Variants in INTS1 observed in about 807,000 individuals in gnomAD.
INTS1 encodes integrator complex subunit 1.
Under a neutral mutation model 241.6 loss-of-function variants are expected in INTS1, and 137 were observed. That is an observed-to-expected ratio of 0.57 (90% CI 0.49 to 0.65). INTS1 has a LOEUF of 0.65. Among genes scored for constraint, INTS1 ranks in the 30% least tolerant of loss-of-function variants. INTS1 has a pLI of 0.00. For synonymous variants in INTS1, 1,692 were observed against 1,337.8 expected, an observed-to-expected ratio of 1.26 and a Z score of -5.78; for missense variants, 3,073 against 3,032.2, an observed-to-expected ratio of 1.01 and a Z score of -0.32.
Position 1,500,257 on chromosome 7 carries a change from G to A in INTS1, c.459C>T (p.Arg153=), listed in dbSNP as rs199826626. The change falls in exon 4 of 48, where the codon CGC becomes CGT. Residue 153 remains arginine (R), a synonymous_variant. Coordinates refer to ENST00000404767, the MANE Select transcript of INTS1 (RefSeq NM_001080453.3). ...GGTAGAGGGTGCTGTCAGGCTTGGC[G>A]CGGGTGACCTTCAGCTGCTTCACGG... ...CGAVKQLKVT[R]AKPDSTLYLS... is the part of the protein sequence containing the mutation. 54 of 1,603,956 alleles carry A rather than the reference G, an allele frequency of 3.4e-5. No individual in the cohort carries two copies. The highest frequency in any genetic ancestry group is 1.3e-4 in the South Asian group (12 of 89,408).
At chr7:1,492,883 A>C (rs1583143739) in intron 16 of INTS1, 127 bp downstream of exon 16, 1 of 523,430 alleles carries the variant, frequency 1.9e-6, no homozygotes. Context: ...CCCGGGCGGG[A>C]GTGGGGAGCG....
At chr7:1,483,326 G>A (rs749728867) in intron 26 of INTS1, 48 of 325,654 alleles carry the variant, frequency 1.5e-4, no homozygotes, top group Non-Finnish European at 1.7e-4. Flanking sequence ...TGGCCAGAGC[G>A]TCCTCAGGGT....
At position 1,499,606 on chromosome 7, in the gene INTS1, C is replaced by T. The variant is rs368577973; in HGVS notation, c.711G>A (p.Glu237=). The change falls in exon 6 of 48, where the codon GAG becomes GAA. Residue 237 remains glutamate (E), a synonymous_variant. Transcript: ENST00000404767. ...AGTGAGGGCTGTCCACCCAGATCCG[C>T]TCCCCCAGGGAGTCCTCGATGTACA... ...VKVYIEDSLG[E]RIWVDSPHCK... The T allele has an allele frequency of 6.2e-7, 1 of 1,612,920 alleles. No individual in the cohort carries two copies. Among genetic ancestry groups the T allele is most frequent in the Non-Finnish European group, 8.5e-7 (1 of 1,179,398 alleles).
In INTS1 at chr7:1,485,281, C is replaced by T. The variant is rs760234784; in HGVS notation, c.3156+9G>A. ...CTTTCCCTGCCGCGGCCCCGGTCAG[C>T]GCCCTCACCTGCTGCAGGGCCAGGG... On this transcript the variant is annotated intron_variant, in intron 23 of 47. Transcript: ENST00000404767. 6.9e-6 allele frequency: 11 copies of T among 1,602,508 alleles called. No individual in the cohort carries two copies. Among genetic ancestry groups the T allele is most frequent in the African/African-American group, 4.0e-5 (3 of 74,836 alleles).
At chr7:1,494,039 C>A in intron 14 of INTS1, 128 bp from the exon 15 acceptor site, 3 of 1,182,272 alleles carry the variant, frequency 2.5e-6, no homozygotes, top group African/African-American at 1.6e-5. Context: ...CTGCCTCCCA[C>A]GAGCCTATCC....
At position 1,499,999 on chromosome 7, in the gene INTS1, C is replaced by T. The variant is rs1306198637; in HGVS notation, c.569G>A (p.Arg190Gln). The T allele has an allele frequency of 5.6e-6, 9 of 1,613,502 alleles. No individual in the cohort carries two copies. Among genetic ancestry groups the T allele is most frequent in the Non-Finnish European group, 7.6e-6 (9 of 1,179,854 alleles). Residue 190 changes from arginine to glutamine, a missense_variant, in exon 5 of 48, where the codon CGG becomes CAG. Transcript: ENST00000404767. Reference sequence around the variant, plus strand: ...GGCCTTGAAGTTGATGGAGGCGTCCCGCCGCAGGAGGCTACACAGAGCCTG... The same window carrying T: ...GGCCTTGAAGTTGATGGAGGCGTCCTGCCGCAGGAGGCTACACAGAGCCTG... Reference protein sequence around the residue: ...VIEALCSLLRRDASINFKAKG... With the variant: ...VIEALCSLLRQDASINFKAKG...
rs1486817927 is a variant in INTS1 at position 1,497,436 on chromosome 7, G to A, written c.1426-122C>T. ...GCTGCAGTGGGTCTCAGACAGTGTG[G>A]GGTGCGGGGTGGCGGGCTCCTTGCT... is the stretch of plus-strand genomic sequence containing the variant. On this transcript the variant is annotated intron_variant, in intron 10 of 47. Coordinates refer to ENST00000404767, the MANE Select transcript of INTS1 (RefSeq NM_001080453.3). The surrounding 1 kb of genome is among the most constrained non-coding windows in gnomAD (Gnocchi z 5.3). The A allele has an allele frequency of 3.8e-6, 4 of 1,048,964 alleles. No individual in the cohort carries two copies. The highest frequency in any genetic ancestry group is 5.3e-5 in the East Asian group (2 of 37,686). The allele number at this position is 1,048,964 out of a possible 1,614,324, so 65.0% of individuals were successfully genotyped here. A position where few individuals can be genotyped will look rare whatever the true frequency, so the allele number is the denominator to read the frequency against.
At position 1,473,115 on chromosome 7, in the gene INTS1, G is replaced by A; in HGVS notation, c.6027C>T (p.Ser2009=). The A allele has an allele frequency of 6.2e-7, 1 of 1,612,070 alleles. No individual in the cohort carries two copies. The highest frequency in any genetic ancestry group is 1.1e-5 in the South Asian group (1 of 91,054). ...GGCCTCGGTCGGTCCTGTCGTCCCT[G>A]CTGGGCAGGCTGAGCCCTGCAAGGA... ...KSLLAGLSLP[S]RDDRTDRGLD... is the part of the protein sequence containing the mutation. Residue 2009 remains serine, a synonymous_variant, in exon 43 of 48, where the codon AGC becomes AGT. Transcript: ENST00000404767.
intron 25 of INTS1, 29 bp from the exon 26 acceptor site, chr7:1,483,882 T>C: frequency 6.2e-7 from 1 of 1,600,622 alleles, no homozygotes; most frequent in Non-Finnish European, 8.5e-7. Context: ...AGTCAGGCCG[T>C]AAGGTTCAGG....
intron 26 of INTS1, chr7:1,483,237 G>T: frequency 4.4e-6 from 1 of 229,042 alleles, no homozygotes; most frequent in East Asian, 1.1e-4. Flanking sequence ...AGCAGTTCAT[G>T]GTGTCAGCCA....
At chr7:1,471,107 G>A (rs977295455) in intron 46 of INTS1, 26 bp downstream of exon 46, 38 of 1,547,890 alleles carry the variant, frequency 2.5e-5, no homozygotes, top group African/African-American at 1.1e-4. Flanking sequence ...CGGTGGCGGC[G>A]GGACAGAGGC....
intron 21 of INTS1, 56 bp downstream of exon 21, chr7:1,486,866 C>T: frequency 6.3e-7 from 1 of 1,591,526 alleles, no homozygotes; most frequent in Non-Finnish European, 8.5e-7. Context: ...GCATGGGTTG[C>T]CCTGACAGGG....
intron 44 of INTS1, chr7:1,471,855 G>A (rs550765590): frequency 1.3e-5 from 8 of 598,136 alleles, no homozygotes; most frequent in South Asian, 8.0e-5. Context: ...GAGAGGGGTT[G>A]ACCCCTCACG....
chr7:1,476,887 CG>C lies in INTS1; in HGVS notation c.4969del (p.Arg1657ValfsTer5), dbSNP rs1781752113. On this transcript the variant is annotated frameshift_variant, in exon 36 of 48. Coordinates refer to ENST00000404767, the MANE Select transcript of INTS1 (RefSeq NM_001080453.3). LOFTEE classifies it high-confidence loss of function. ...GKGQAQVPSFRPYLLTLFTHQ... is the reference protein window; with the variant it reads ...GKGQAQVPSFXPYLLTLFTHQ... ...CGTGAAGAGGGTCAGGAGGTAGGGA[CG>C]GAACGAGGGCACCTGGGCCTGACCT... is the stretch of plus-strand genomic sequence containing the variant. The C allele has an allele frequency of 1.2e-6, 2 of 1,612,268 alleles. No homozygotes were observed. The highest frequency in any genetic ancestry group is 1.3e-5 in the African/African-American group (1 of 75,030).
rs145194233 is a variant in INTS1, at chr7:1,471,864, C to A, written c.6185-223G>T. On this transcript the variant is annotated intron_variant, in intron 44 of 47. Transcript: ENST00000404767. ...TCCAAGGAGAGGGGTTGACCCCTCA[C>A]GGCAGCCCCATATCCAGGGTGCTCT... The A allele has an allele frequency of 1.3e-3, 757 of 595,064 alleles. 7 individuals are homozygous for A. In the African/African-American group the frequency reaches 0.013, roughly 10 times the overall value. The allele number at this position is 595,064 out of a possible 1,614,324, so 36.9% of individuals were successfully genotyped here.
At chr7:1,473,802 G>C in intron 41 of INTS1, 109 bp from the exon 42 acceptor site, 1 of 1,386,066 alleles carries the variant, frequency 7.2e-7, no homozygotes, top group Non-Finnish European at 9.9e-7. Flanking sequence ...CACAGCCAAC[G>C]AGCCCCCTCT....
intron 3 of INTS1, among the ~76,000 whole-genome samples, chr7:1,501,690 C>T (rs941191072): frequency 2.0e-5 from 3 of 152,212 alleles, no homozygotes; most frequent in Non-Finnish European, 4.4e-5. Flanking sequence ...CAATCCCCAC[C>T]GGCACCAGCT....
chr7:1,475,845 G>A lies in INTS1; in HGVS notation c.5502+103C>T, dbSNP rs762872073. 837 of 1,390,642 alleles carry A rather than the reference G, an allele frequency of 6.0e-4. 1 individual carries two copies. The highest frequency in any genetic ancestry group is 1.8e-3 in the Middle Eastern group (7 of 3,988). The allele number at this position is 1,390,642 out of a possible 1,614,324, so 86.1% of individuals were successfully genotyped here. A position where few individuals can be genotyped will look rare whatever the true frequency, so the allele number is the denominator to read the frequency against. Reference sequence around the variant, plus strand: ...GGCGCGGACTGGGAAGGGGCAAGAGGGGTAGCCGGCGATGGCCATGTACAC... The same window carrying A: ...GGCGCGGACTGGGAAGGGGCAAGAGAGGTAGCCGGCGATGGCCATGTACAC... On this transcript the variant is annotated intron_variant, in intron 39 of 47. Transcript: ENST00000404767.
Position 1,486,998 on chromosome 7 carries a change from T to C in INTS1, c.2750A>G (p.Asp917Gly). The C allele has an allele frequency of 6.2e-7, 1 of 1,607,566 alleles. No individual in the cohort carries two copies. The highest frequency in any genetic ancestry group is 1.1e-5 in the South Asian group (1 of 90,726). ...CCCGGAAGCAGCATCGTCCACAGCATCGTGCAGCAGGAACTCGCACAGACA... is the reference window on the plus strand; with the variant it reads ...CCCGGAAGCAGCATCGTCCACAGCACCGTGCAGCAGGAACTCGCACAGACA... Reference protein sequence around the residue: ...VQCLCEFLLHDAVDDAASGEE... With the variant: ...VQCLCEFLLHGAVDDAASGEE... Residue 917 changes from aspartate to glycine, a missense_variant, in exon 21 of 48, where the codon GAT (aspartate) becomes GGT (glycine). By Grantham distance (94) the Asp-to-Gly change is moderately conservative. Transcript: ENST00000404767.
Sources: allele counts gnomAD v4.1 joint callset (sites outside exome capture counted in the v4.1 genomes callset), GRCh38; gene constraint gnomAD v4.1.1; non-coding constraint Gnocchi (gnomAD v3.1); transcripts MANE v1.5; gene names NCBI Gene and HGNC (gene_info 2026-07-23, HGNC 2026-07-21).